TRMT9B: variants seen among roughly 807,000 people sequenced by gnomAD.
TRMT9B encodes the protein probable tRNA methyltransferase 9B.
A neutral mutation model predicts 11.5 loss-of-function variants in TRMT9B; 16 were observed. The observed-to-expected ratio is 1.39, with a 90% CI of 0.94 to 2.11. The LOEUF (loss-of-function observed/expected upper bound fraction) is 2.11. Ranked by LOEUF, TRMT9B falls within the 30% of genes most tolerant of loss-of-function variation. TRMT9B has a pLI of 0.00. For missense variants in TRMT9B, 941 were observed against 553.8 expected, an observed-to-expected ratio of 1.70 and a Z score of -7.02; for synonymous variants, 274 against 192.4, an observed-to-expected ratio of 1.42 and a Z score of -3.51.
chr8:12,964,637 C>T (rs1802575281), intron 1 of TRMT9B, among the ~76,000 whole-genome samples: 1 of 152,176 alleles, frequency 6.6e-6, no homozygotes, highest in Non-Finnish European at 1.5e-5. Flanking sequence ...TGCAGTGGCA[C>T]AGTCACAGCT....
At chr8:12,951,404 GC>G (rs1460161148) in intron 1 of TRMT9B, 1 of 152,372 alleles carries the variant, frequency 6.6e-6, no homozygotes, top group African/African-American at 2.4e-5. Context: ...TGCGCTGCGG[GC>G]CGACCAGGTG....
chr8:13,016,166 T>A (rs1310701872), intron 4 of TRMT9B, among the ~76,000 whole-genome samples: 1 of 100,882 alleles, frequency 9.9e-6, no homozygotes, highest in Non-Finnish European at 2.0e-5. Context: ...AAATCATATA[T>A]ATAAACATAT....
chr8:13,013,234 C>A (rs1219931847), intron 4 of TRMT9B, among the ~76,000 whole-genome samples: 3 of 152,038 alleles, frequency 2.0e-5, no homozygotes, highest in Non-Finnish European at 4.4e-5. Context: ...TTTTTTAGGC[C>A]AAAATAGTGG....
chr8:12,946,788 G>T (rs1180173697), intron 1 of TRMT9B, among the ~76,000 whole-genome samples: 1 of 152,172 alleles, frequency 6.6e-6, no homozygotes, highest in African/African-American at 2.4e-5. Flanking sequence ...AAAAGTTCAG[G>T]AAGAAAGAGA....
At chr8:13,017,004 A>T (rs112633728) in intron 4 of TRMT9B, among the ~76,000 whole-genome samples, 2,048 of 151,538 alleles carry the variant, frequency 0.014, 20 homozygotes, top group Non-Finnish European at 0.02. Flanking sequence ...CATGCCTGTA[A>T]TCTCAGCTAC....
rs559873491 is a variant in TRMT9B, at chr8:13,025,135, T to C, written c.*3091T>C. The C allele has an allele frequency of 6.0e-6, 1 of 167,138 alleles. No homozygotes were observed. The highest frequency in any genetic ancestry group is 2.4e-5 in the African/African-American group (1 of 41,554). The allele number at this position is 167,138 out of a possible 1,614,324, so 10.4% of individuals were successfully genotyped here. A position where few individuals can be genotyped will look rare whatever the true frequency, so the allele number is the denominator to read the frequency against. ...ACTAGATCACACAGTGTCTTTCTTA[T>C]TCCTTCTTCTTTACTTACTGGCATC... On this transcript the variant is annotated 3_prime_UTR_variant, in exon 5 of 5. Transcript: ENST00000524591.
At chr8:12,979,781 T>C (rs1196485186) in intron 1 of TRMT9B, among the ~76,000 whole-genome samples, 4 of 152,172 alleles carry the variant, frequency 2.6e-5, no homozygotes, top group African/African-American at 9.7e-5. Context: ...TTTTTTAAAA[T>C]TTAGTTAAAA....
At chr8:13,006,179 T>G (rs1440860299) in intron 2 of TRMT9B, 23 bp from the exon 3 acceptor site, 2 of 1,611,830 alleles carry the variant, frequency 1.2e-6, no homozygotes, top group Non-Finnish European at 1.7e-6. Context: ...CTGCATGCCT[T>G]GGGTTGGTCC....
intron 4 of TRMT9B, among the ~76,000 whole-genome samples, chr8:13,014,098 T>G (rs1236948157): frequency 2.6e-5 from 4 of 152,228 alleles, no homozygotes; most frequent in Non-Finnish European, 5.9e-5. Flanking sequence ...TTATCCAACA[T>G]TAGGTGGGGA....
intron 4 of TRMT9B, among the ~76,000 whole-genome samples, chr8:13,015,811 C>T (rs1220797578): frequency 6.6e-6 from 1 of 152,106 alleles, no homozygotes; most frequent in Non-Finnish European, 1.5e-5. Flanking sequence ...ATGCCTTGCC[C>T]TCAGAGAAAA....
At chr8:13,000,552 T>G (rs909770781) in intron 2 of TRMT9B, among the ~76,000 whole-genome samples, 8 of 152,190 alleles carry the variant, frequency 5.3e-5, no homozygotes, top group Non-Finnish European at 1.2e-4. Flanking sequence ...CTACATCAAC[T>G]TCCCCCAGCA....
intron 3 of TRMT9B, 162 bp downstream of exon 3, chr8:13,006,518 C>A: frequency 6.9e-7 from 1 of 1,453,298 alleles, no homozygotes; most frequent in East Asian, 2.5e-5. Context: ...TTCCATTGAG[C>A]CTTTGCTTTT....
intron 1 of TRMT9B, among the ~76,000 whole-genome samples, chr8:12,976,567 C>T (rs766484106): frequency 4.6e-5 from 7 of 151,632 alleles, no homozygotes; most frequent in Non-Finnish European, 1.0e-4. Context: ...TAGTAAAACC[C>T]TGTCTCTACT....
Position 13,021,921 on chromosome 8 carries a change from G to A in TRMT9B, c.1242G>A (p.Val414=), listed in dbSNP as rs1242639129. The A allele has an allele frequency of 6.2e-7, 1 of 1,613,658 alleles. No homozygotes were observed. The highest frequency in any genetic ancestry group is 8.5e-7 in the Non-Finnish European group (1 of 1,179,882). ...CAGCCTTTATGCGCTACTACCATGT[G>A]TTTCGAGAAGGGGAGCTCTGCAGTC... ...DSTAFMRYYH[V]FREGELCSLL... The change falls in exon 5 of 5, where the codon GTG becomes GTA. Residue 414 remains valine, a synonymous_variant. Coordinates refer to ENST00000524591, the MANE Select transcript of TRMT9B (RefSeq NM_020844.3).
At position 13,025,979 on chromosome 8, in the gene TRMT9B, C is replaced by CA. The variant is rs540725605; in HGVS notation, c.*3944dup. 1.2e-4 allele frequency: 19 copies of CA among 163,032 alleles called. No individual in the cohort carries two copies. The highest frequency in any genetic ancestry group is 3.9e-4 in the East Asian group (2 of 5,130). 10.1% of individuals were successfully genotyped at this position (163,032 alleles called of 1,614,324 possible). A position where few individuals can be genotyped will look rare whatever the true frequency, so the allele number is the denominator to read the frequency against. Reference sequence around the variant, plus strand: ...ATGAATGCCCCTGATTATTAATGGCCAAAAAAAAAGCACTGGTGGATTTTA... The same window carrying CA: ...ATGAATGCCCCTGATTATTAATGGCCAAAAAAAAAAGCACTGGTGGATTTTA... On this transcript the variant is annotated 3_prime_UTR_variant, in exon 5 of 5. Transcript: ENST00000524591.
At chr8:12,955,697 A>G (rs935349845) in intron 1 of TRMT9B, among the ~76,000 whole-genome samples, 4 of 152,124 alleles carry the variant, frequency 2.6e-5, no homozygotes. Flanking sequence ...CTTCTCTGTT[A>G]GGTTGCAGAT....
chr8:12,960,457 T>G (rs1282786195), intron 1 of TRMT9B: 1 of 152,162 alleles, frequency 6.6e-6, no homozygotes, highest in Non-Finnish European at 1.5e-5. Flanking sequence ...TGTACCTGTA[T>G]GGGTGAAGAC....
intron 2 of TRMT9B, among the ~76,000 whole-genome samples, chr8:12,991,817 A>G (rs1807386258): frequency 6.6e-6 from 1 of 151,952 alleles, no homozygotes; most frequent in East Asian, 1.9e-4. Context: ...TGTAATCCCA[A>G]CTACTCGGGA....
At chr8:12,985,896 TGTC>T (rs1806211166) in intron 1 of TRMT9B, among the ~76,000 whole-genome samples, 1 of 152,182 alleles carries the variant, frequency 6.6e-6, no homozygotes, top group Non-Finnish European at 1.5e-5. Context: ...AGTCTCACTC[TGTC>T]ACCCAGGCTT....
Sources: allele counts gnomAD v4.1 joint callset (sites outside exome capture counted in the v4.1 genomes callset), GRCh38; gene constraint gnomAD v4.1.1; transcripts MANE v1.5; gene names NCBI Gene and HGNC (gene_info 2026-07-23, HGNC 2026-07-21).